HVCN1: variants seen among roughly 807,000 people sequenced by gnomAD.
The protein encoded by HVCN1 is voltage-gated hydrogen channel 1.
HVCN1 carries 14 observed loss-of-function variants against 29.2 expected under a neutral mutation model. That is an observed-to-expected ratio of 0.48 (90% confidence interval 0.32 to 0.75). The LOEUF (loss-of-function observed/expected upper bound fraction) is 0.75. Ranked by LOEUF, HVCN1 falls within the 30% of genes least tolerant of loss-of-function variation. The pLI is 0.04. For missense variants in HVCN1, 263 were observed against 341.8 expected (o/e 0.77, Z 1.82); for synonymous variants, 131 against 133.2 (o/e 0.98, Z 0.11).
intron 1 of HVCN1, 102 bp downstream of exon 1, chr12:110,688,977 CG>C (rs112276460): frequency 0.71 from 106,718 of 151,320 alleles, 37,975 homozygotes; most frequent in African/African-American, 0.78. Context: ...AGCGGAGATG[CG>C]GGGGGGGGTC....
chr12:110,657,493 C>A, intron 4 of HVCN1, among the ~76,000 whole-genome samples: 2 of 142,722 alleles, frequency 1.4e-5, no homozygotes, highest in Admixed American at 7.1e-5. Context: ...GAAACTCCAT[C>A]TCAAAAAGAA....
rs576368648 is a variant in HVCN1, at chr12:110,658,680, C to T, written c.306+2484G>A. On this transcript the variant is annotated intron_variant, in intron 4 of 7. Coordinates refer to ENST00000242607, the MANE Select transcript of HVCN1 (RefSeq NM_032369.4). This position sits in a 1 kb window ranked among gnomAD's most constrained non-coding sequence, Gnocchi z 5.0. ...CCTCTCAGAGCCCCCCTCCTCCCTG[C>T]GGAGGGCTTCTCTCCATTTGTAACC... is the stretch of plus-strand genomic sequence containing the variant. 1.2e-4 allele frequency among the ~76,000 whole-genome samples: 18 copies of T among 152,188 alleles called. No homozygotes were observed. The highest frequency in any genetic ancestry group is 4.1e-4 in the South Asian group (2 of 4,820).
At position 110,688,718 on chromosome 12, in the gene HVCN1, G is replaced by A. The variant is rs1264664034; in HGVS notation, c.-103-10C>T. ...GTCTTGGTTTCTTCACCTGTTAAGA[G>A]GGAGACGACGATGGTCACCTGTGGC... On this transcript the variant is annotated splice_polypyrimidine_tract_variant and intron_variant, in intron 1 of 7. Transcript: ENST00000242607. The A allele has an allele frequency of 1.3e-5, 2 of 152,446 alleles. No individual in the cohort carries two copies. The highest frequency in any genetic ancestry group is 4.8e-5 in the African/African-American group (2 of 41,474). The allele number at this position is 152,446 out of a possible 1,614,324, so 9.4% of individuals were successfully genotyped here. A position where few individuals can be genotyped will look rare whatever the true frequency, so the allele number is the denominator to read the frequency against.
chr12:110,700,060 C>T (rs1439049273), intron 2 of HVCN1, among the ~76,000 whole-genome samples: 1 of 152,226 alleles, frequency 6.6e-6, no homozygotes, highest in Non-Finnish European at 1.5e-5. Flanking sequence ...GGCCACCTCT[C>T]CGAGGAATTG....
chr12:110,662,260 GC>G (rs1256353028), intron 3 of HVCN1, among the ~76,000 whole-genome samples: 1 of 151,980 alleles, frequency 6.6e-6, no homozygotes, highest in African/African-American at 2.4e-5. Context: ...TCCCCACCTT[GC>G]CCCCCACACA....
intron 5 of HVCN1, among the ~76,000 whole-genome samples, chr12:110,651,822 T>G (rs1269561087): frequency 6.6e-6 from 1 of 152,180 alleles, no homozygotes; most frequent in Non-Finnish European, 1.5e-5. Flanking sequence ...CCATTAGAAG[T>G]TACTCTTGAA....
chr12:110,675,327 C>T (rs188798895), intron 3 of HVCN1, among the ~76,000 whole-genome samples: 4 of 152,212 alleles, frequency 2.6e-5, no homozygotes, highest in South Asian at 2.1e-4. Context: ...GGCGTGGTGG[C>T]GCATGCCTGT....
chr12:110,663,587 CAAAAA>C (rs1182792368), intron 3 of HVCN1, among the ~76,000 whole-genome samples: 170 of 25,812 alleles, frequency 6.6e-3, no homozygotes, highest in Middle Eastern at 0.024. Flanking sequence ...GACGCTGTCT[CAAAAA>C]AAAAAAAAAA....
At chr12:110,653,808 C>T (rs190065094) in intron 5 of HVCN1, among the ~76,000 whole-genome samples, 24 of 152,270 alleles carry the variant, frequency 1.6e-4, no homozygotes, top group African/African-American at 5.5e-4. Flanking sequence ...TGCCACTGCA[C>T]TCCAGCCTGG....
Position 110,661,092 on chromosome 12 carries a change from T to C in HVCN1, c.306+72A>G. On this transcript the variant is annotated intron_variant, in intron 4 of 7. Coordinates refer to ENST00000242607, the MANE Select transcript of HVCN1 (RefSeq NM_032369.4). The surrounding 1 kb of genome is among the most constrained non-coding windows in gnomAD (Gnocchi z 6.2). ...AGGCAGTGGCCAAATGGGCTCAGCC[T>C]GGCCGCCTGCCTCACATTCCCCGAT... is the stretch of plus-strand genomic sequence containing the variant. 1 of 1,461,956 alleles carries C rather than the reference T, an allele frequency of 6.8e-7. No individual in the cohort carries two copies. Among genetic ancestry groups the C allele is most frequent in the Non-Finnish European group, 9.3e-7 (1 of 1,073,380 alleles). The allele number at this position is 1,461,956 out of a possible 1,614,324, so 90.6% of individuals were successfully genotyped here.
At chr12:110,663,453 T>C (rs2068242810) in intron 3 of HVCN1, among the ~76,000 whole-genome samples, 1 of 151,034 alleles carries the variant, frequency 6.6e-6, no homozygotes, top group Non-Finnish European at 1.5e-5. Flanking sequence ...ATAAAAAAAA[T>C]TAGCCAGGCA....
intron 3 of HVCN1, among the ~76,000 whole-genome samples, chr12:110,672,251 A>G (rs2068601524): frequency 6.6e-6 from 1 of 152,226 alleles, no homozygotes; most frequent in African/African-American, 2.4e-5. Context: ...CTAGGACTAC[A>G]GGTGTGTGCC....
intron 3 of HVCN1, among the ~76,000 whole-genome samples, chr12:110,675,094 T>C (rs970250313): frequency 6.6e-6 from 1 of 152,264 alleles, no homozygotes; most frequent in African/African-American, 2.4e-5. Flanking sequence ...TTCATATGAT[T>C]CAACCTAATA....
intron 2 of HVCN1, among the ~76,000 whole-genome samples, chr12:110,687,511 T>C (rs2069238354): frequency 6.6e-6 from 1 of 152,008 alleles, no homozygotes; most frequent in African/African-American, 2.4e-5. Context: ...GACAGGACAG[T>C]GGCCAGAGAG....
chr12:110,653,911 T>C (rs1218493946), intron 5 of HVCN1, among the ~76,000 whole-genome samples: 1 of 152,152 alleles, frequency 6.6e-6, no homozygotes, highest in Non-Finnish European at 1.5e-5. Context: ...TTATTTTAGA[T>C]CTGATGGTGC....
intron 3 of HVCN1, among the ~76,000 whole-genome samples, chr12:110,668,449 G>A (rs181171215): frequency 5.4e-4 from 82 of 152,294 alleles, no homozygotes; most frequent in African/African-American, 1.8e-3. Context: ...AGGTTGCAGT[G>A]AGCCAAGATC....
At position 110,649,372 on chromosome 12, in the gene HVCN1, G is replaced by A; in HGVS notation, c.*38C>T. ...TCCTCTCGTGACAGCACAGGCCCAT[G>A]AGACAGTGTCTTCTTTTTGAGGGGA... is the stretch of plus-strand genomic sequence containing the variant. On this transcript the variant is annotated 3_prime_UTR_variant, in exon 8 of 8. Coordinates refer to ENST00000242607, the MANE Select transcript of HVCN1 (RefSeq NM_032369.4). 1.3e-6 allele frequency: 2 copies of A among 1,548,086 alleles called. No homozygotes were observed. Among genetic ancestry groups the A allele is most frequent in the Non-Finnish European group, 1.8e-6 (2 of 1,124,026 alleles).
chr12:110,686,382 G>A (rs1264622382), intron 2 of HVCN1, among the ~76,000 whole-genome samples: 1 of 151,986 alleles, frequency 6.6e-6, no homozygotes, highest in Non-Finnish European at 1.5e-5. Context: ...GTTACATGCT[G>A]AGGGTGCAAG....
chr12:110,678,042 A>G (rs1320064056), intron 3 of HVCN1, among the ~76,000 whole-genome samples: 1 of 152,220 alleles, frequency 6.6e-6, no homozygotes, highest in Non-Finnish European at 1.5e-5. Context: ...ATATTTTCTG[A>G]GCTCTGTGCA....
Sources: gnomAD v4.1 joint callset for allele counts (sites outside exome capture counted in the v4.1 genomes callset) on GRCh38, gnomAD v4.1.1 for gene constraint, Gnocchi (gnomAD v3.1) non-coding constraint, MANE v1.5 for transcripts, NCBI Gene and HGNC (gene_info 2026-07-23, HGNC 2026-07-21) for gene names.